The following MPDZ variants were observed in gnomAD, a reference collection of about 807,000 sequenced individuals.
MPDZ encodes multiple PDZ domain crumbs cell polarity complex component.
Under a neutral mutation model 239.1 loss-of-function variants are expected in MPDZ, and 234 were observed. The ratio of observed to expected loss-of-function variants is 0.98; its 90% confidence interval spans 0.88 to 1.09. The LOEUF is 1.09. Among genes scored for constraint, MPDZ ranks in the 50% least tolerant of loss-of-function variants. The pLI, the probability that MPDZ is intolerant of heterozygous loss-of-function variation, is 0.00. For synonymous variants in MPDZ, 1,048 were observed against 881.3 expected (o/e 1.19, Z -3.35); for missense variants, 3,175 against 2,510.0 (o/e 1.26, Z -5.66).
At chr9:13,206,778 G>C (rs1032603654) in intron 10 of MPDZ, among the ~76,000 whole-genome samples, 8 of 151,898 alleles carry the variant, frequency 5.3e-5, no homozygotes, top group Non-Finnish European at 1.2e-4. Flanking sequence ...TCTTGACCTC[G>C]TGATCTGCCC....
At chr9:13,145,745 A>T (rs1473640071) in intron 26 of MPDZ, among the ~76,000 whole-genome samples, 1 of 152,034 alleles carries the variant, frequency 6.6e-6, no homozygotes, top group Non-Finnish European at 1.5e-5. Context: ...TATACCTCAG[A>T]GAGCAAAATA....
intron 22 of MPDZ, chr9:13,165,247 A>G: frequency 2.1e-6 from 2 of 941,162 alleles, no homozygotes; most frequent in East Asian, 2.7e-5. Context: ...TCTAAAATGT[A>G]TATACAAAAT....
intron 1 of MPDZ, 111 bp from the exon 2 acceptor site, chr9:13,250,483 T>C: frequency 3.3e-6 from 2 of 597,524 alleles, no homozygotes; most frequent in South Asian, 2.6e-5. Context: ...CATTAAAATC[T>C]TGTTGATACA....
chr9:13,122,974 C>T (rs976840055), intron 36 of MPDZ, among the ~76,000 whole-genome samples, 179 bp downstream of exon 36: 2 of 152,210 alleles, frequency 1.3e-5, no homozygotes, highest in Non-Finnish European at 2.9e-5. Flanking sequence ...TATTGGCTTA[C>T]TCAAAGGAAA....
chr9:13,192,307 G>C lies in MPDZ; in HGVS notation c.1804-12C>G. 1 of 1,584,454 alleles carries C rather than the reference G, an allele frequency of 6.3e-7. No homozygotes were observed. The highest frequency in any genetic ancestry group is 1.3e-5 in the African/African-American group (1 of 74,570). On this transcript the variant is annotated splice_polypyrimidine_tract_variant and intron_variant, in intron 14 of 46. Coordinates refer to ENST00000319217, the MANE Select transcript of MPDZ (RefSeq NM_001378778.1). ...GTTATGCCATTTACCTGTGAAAAAA[G>C]ATACATTGTCCAACAAACAACACTT...
At chr9:13,124,309 G>C (rs1029635124) in intron 35 of MPDZ, among the ~76,000 whole-genome samples, 4 of 152,140 alleles carry the variant, frequency 2.6e-5, no homozygotes, top group African/African-American at 9.7e-5. Flanking sequence ...GAATTATCCA[G>C]TCTTTCTAAA....
chr9:13,193,589 C>T lies in MPDZ; in HGVS notation c.1657-276G>A, dbSNP rs371512055. ...TCTCATAAATAGGTACAATTTCTCTCTTGTTTCCCAAGTAGAAAAACGAGG... is the reference window on the plus strand; with the variant it reads ...TCTCATAAATAGGTACAATTTCTCTTTTGTTTCCCAAGTAGAAAAACGAGG... On this transcript the variant is annotated intron_variant, in intron 13 of 46. Transcript: ENST00000319217. Among the ~76,000 whole-genome samples the T allele has an allele frequency of 1.1e-3, 173 of 152,248 alleles. 1 individual carries two copies. The highest frequency in any genetic ancestry group is 4.1e-3 in the African/African-American group (172 of 41,558).
intron 12 of MPDZ, 70 bp from the exon 13 acceptor site, chr9:13,196,300 A>G: frequency 9.1e-7 from 1 of 1,099,178 alleles, no homozygotes; most frequent in Non-Finnish European, 1.3e-6. Flanking sequence ...TCCTGTACCA[A>G]GGATTCTCTG....
chr9:13,152,028 A>G (rs1428649535), intron 24 of MPDZ, among the ~76,000 whole-genome samples: 1 of 152,150 alleles, frequency 6.6e-6, no homozygotes, highest in Non-Finnish European at 1.5e-5. Flanking sequence ...GTGTAAAAGG[A>G]TGATTTTACA....
At chr9:13,183,660 T>A in intron 18 of MPDZ, 75 bp from the exon 19 acceptor site, 1 of 1,401,196 alleles carries the variant, frequency 7.1e-7, no homozygotes, top group Non-Finnish European at 9.9e-7. Flanking sequence ...CACTTGAGAC[T>A]AAAAGGCAAA....
chr9:13,112,171 T>G, intron 42 of MPDZ, 25 bp from the exon 43 acceptor site: 5 of 1,586,454 alleles, frequency 3.2e-6, no homozygotes, highest in South Asian at 2.3e-5. Flanking sequence ...ATATAAAATT[T>G]TGGTCAAAGT....
chr9:13,226,451 T>C (rs1026664763), intron 3 of MPDZ, among the ~76,000 whole-genome samples: 22 of 152,052 alleles, frequency 1.4e-4, no homozygotes, highest in African/African-American at 5.1e-4. Flanking sequence ...TAGCAGTCTG[T>C]CCCTCACCCA....
intron 13 of MPDZ, among the ~76,000 whole-genome samples, chr9:13,195,210 C>T (rs1955493183): frequency 6.6e-6 from 1 of 152,180 alleles, no homozygotes; most frequent in African/African-American, 2.4e-5. Flanking sequence ...AAAGTTTGAG[C>T]CCTGGTGGTC....
Position 13,107,070 on chromosome 9 carries a change from C to A in MPDZ, c.6108G>T (p.Gln2036His). The change falls in exon 47 of 47, where the codon CAG (glutamine) becomes CAT (histidine). Residue 2036 changes from glutamine to histidine, a missense_variant. Gln to His is a conservative substitution (Grantham distance 24, BLOSUM62 0). Transcript: ENST00000319217. ...SEDGRLKRGDQIIAVNGQSLE... is the reference protein window; with the variant it reads ...SEDGRLKRGDHIIAVNGQSLE... ...GACTCTGCCCATTGACAGCAATGAT[C>A]TGATCGCCCCTTTTCAGACGTCCGT... The A allele has an allele frequency of 6.3e-7, 1 of 1,595,770 alleles. No individual in the cohort carries two copies.
At chr9:13,206,812 G>C (rs1217303577) in intron 10 of MPDZ, among the ~76,000 whole-genome samples, 1 of 152,104 alleles carries the variant, frequency 6.6e-6, no homozygotes, top group Non-Finnish European at 1.5e-5. Flanking sequence ...AAAGTGCTGA[G>C]ATTACAGGCG....
Position 13,221,709 on chromosome 9 carries a change from A to C in MPDZ, c.748-209T>G, listed in dbSNP as rs72643461. On this transcript the variant is annotated intron_variant, in intron 6 of 46. Transcript: ENST00000319217. Reference sequence around the variant, plus strand: ...GACAGAATCATTCTTGAAATTATCAATATATCATCATAATGATTTCACTTC... The same window carrying C: ...GACAGAATCATTCTTGAAATTATCACTATATCATCATAATGATTTCACTTC... Among the ~76,000 whole-genome samples, 841 of 152,150 alleles carry C rather than the reference A, an allele frequency of 5.5e-3. 51 individuals carry two copies. In the East Asian group the frequency reaches 0.14, roughly 26 times the overall value.
intron 29 of MPDZ, 32 bp downstream of exon 29, chr9:13,137,925 G>A: frequency 6.2e-7 from 1 of 1,605,926 alleles, no homozygotes. Context: ...TATAAAACAA[G>A]AATAAATTCA....
chr9:13,142,387 T>C (rs1036897601), intron 27 of MPDZ, among the ~76,000 whole-genome samples: 2 of 152,166 alleles, frequency 1.3e-5, no homozygotes, highest in Admixed American at 6.6e-5. Flanking sequence ...AATCAGGTGT[T>C]ATGTTTTCAT....
intron 21 of MPDZ, among the ~76,000 whole-genome samples, chr9:13,171,971 T>A (rs1410256578): frequency 2.6e-5 from 4 of 152,234 alleles, no homozygotes. Context: ...AACATACTAT[T>A]TATCACACTT....
Sources: gnomAD v4.1 joint callset for allele counts (sites outside exome capture counted in the v4.1 genomes callset) on GRCh38, gnomAD v4.1.1 for gene constraint, MANE v1.5 for transcripts, NCBI Gene and HGNC (gene_info 2026-07-23, HGNC 2026-07-21) for gene names.